Variants in GPC5 observed in about 807,000 individuals in gnomAD.
GPC5 encodes the protein glypican-5.
In GPC5, 47 loss-of-function variants were observed where a neutral mutation model predicts 53.9. The observed-to-expected ratio is 0.87, with a 90% CI of 0.69 to 1.11. The LOEUF (loss-of-function observed/expected upper bound fraction) is 1.11. Ranked by LOEUF, GPC5 falls within the 50% of genes most tolerant of loss-of-function variation. The probability of loss-of-function intolerance (pLI) is 0.00; values close to 1 mark genes in which losing one functional copy is unlikely to be tolerated. For synonymous variants in GPC5, 286 were observed against 263.3 expected (o/e 1.09, Z -0.84); for missense variants, 748 against 713.1 (o/e 1.05, Z -0.56).
At chr13:92,238,262 C>T (rs895300424) in intron 7 of GPC5, among the ~76,000 whole-genome samples, 2 of 151,866 alleles carry the variant, frequency 1.3e-5, no homozygotes, top group Non-Finnish European at 2.9e-5. Flanking sequence ...AAGCAGTGTA[C>T]TCTGTACACT....
intron 7 of GPC5, among the ~76,000 whole-genome samples, chr13:92,276,167 C>A (rs1209064220): frequency 3.9e-5 from 6 of 152,098 alleles, no homozygotes; most frequent in African/African-American, 1.4e-4. Context: ...TGGGCTGATA[C>A]AACATAAAGC....
At chr13:92,283,533 A>G (rs2042931863) in intron 7 of GPC5, among the ~76,000 whole-genome samples, 1 of 152,350 alleles carries the variant, frequency 6.6e-6, no homozygotes, top group Admixed American at 6.5e-5. Context: ...AGAAATTATA[A>G]CAAACTGTCT....
chr13:91,868,786 A>G (rs541025050), intron 5 of GPC5, among the ~76,000 whole-genome samples: 1 of 152,206 alleles, frequency 6.6e-6, no homozygotes, highest in African/African-American at 2.4e-5. Flanking sequence ...TGGGGTATTT[A>G]TGTATTTATG....
chr13:92,006,271 T>G (rs994809330), intron 6 of GPC5, among the ~76,000 whole-genome samples: 4 of 152,254 alleles, frequency 2.6e-5, no homozygotes, highest in Non-Finnish European at 5.9e-5. Context: ...ATAATTTAAG[T>G]GGATAAATGA....
At chr13:91,689,584 T>A (rs1038142575) in intron 2 of GPC5, among the ~76,000 whole-genome samples, 5 of 151,352 alleles carry the variant, frequency 3.3e-5, no homozygotes, top group Non-Finnish European at 7.4e-5. Flanking sequence ...CTTTATATCC[T>A]CACTCTATAA....
At chr13:91,975,029 C>G (rs1234366764) in intron 6 of GPC5, among the ~76,000 whole-genome samples, 5 of 152,168 alleles carry the variant, frequency 3.3e-5, no homozygotes, top group Non-Finnish European at 7.3e-5. Context: ...AAAGGATTCC[C>G]TATTTAATAA....
At chr13:92,549,913 A>T (rs1882252327) in intron 7 of GPC5, among the ~76,000 whole-genome samples, 1 of 146,028 alleles carries the variant, frequency 6.8e-6, no homozygotes, top group South Asian at 2.2e-4. Flanking sequence ...ACACACACAC[A>T]CACACACAAT....
chr13:91,576,816 G>T (rs7140049), intron 2 of GPC5, among the ~76,000 whole-genome samples: 19,649 of 151,960 alleles, frequency 0.13, 1,615 homozygotes, highest in African/African-American at 0.22. Context: ...GCCAAACTCA[G>T]CTGAAGCCAC....
intron 6 of GPC5, among the ~76,000 whole-genome samples, chr13:92,058,485 C>A (rs1473269517): frequency 6.6e-6 from 1 of 152,160 alleles, no homozygotes; most frequent in Admixed American, 6.6e-5. Flanking sequence ...ATTTTTTAAC[C>A]AACATTTACA....
At chr13:92,620,805 G>T (rs1290454394) in intron 7 of GPC5, among the ~76,000 whole-genome samples, 1 of 152,114 alleles carries the variant, frequency 6.6e-6, no homozygotes, top group African/African-American at 2.4e-5. Flanking sequence ...TCATTATAGA[G>T]GAAATTACAA....
At chr13:91,553,754 C>G (rs757347209) in intron 2 of GPC5, among the ~76,000 whole-genome samples, 1 of 151,992 alleles carries the variant, frequency 6.6e-6, no homozygotes, top group Non-Finnish European at 1.5e-5. Flanking sequence ...ATTACTTACT[C>G]TCATTAAAAG....
At chr13:92,699,381 C>T (rs545453810) in intron 7 of GPC5, among the ~76,000 whole-genome samples, 2 of 151,856 alleles carry the variant, frequency 1.3e-5, no homozygotes, top group South Asian at 4.2e-4. Context: ...AAATCCTGTT[C>T]CTGGATTCAT....
At chr13:91,798,878 G>C (rs967001564) in intron 5 of GPC5, among the ~76,000 whole-genome samples, 6 of 152,268 alleles carry the variant, frequency 3.9e-5, no homozygotes, top group African/African-American at 1.4e-4. Context: ...GCTAGCATCT[G>C]TTGTTTCTGG....
At chr13:92,598,281 A>C (rs976422334) in intron 7 of GPC5, among the ~76,000 whole-genome samples, 82 of 152,364 alleles carry the variant, frequency 5.4e-4, no homozygotes, top group African/African-American at 1.9e-3. Flanking sequence ...AATGCATATG[A>C]ATGCAAATTG....
intron 7 of GPC5, among the ~76,000 whole-genome samples, chr13:92,621,746 G>C (rs1037834260): frequency 6.6e-5 from 10 of 152,064 alleles, no homozygotes; most frequent in African/African-American, 2.4e-4. Flanking sequence ...TTGAACCCAG[G>C]ATGCCGAGGT....
intron 7 of GPC5, among the ~76,000 whole-genome samples, chr13:92,385,805 A>ATATATACATATATACG (rs1874686921): frequency 4.4e-5 from 1 of 22,948 alleles, no homozygotes; most frequent in African/African-American, 2.8e-4. Flanking sequence ...ATATATACGT[A>ATATATACATATATACG]TATATATACA....
At chr13:92,495,705 G>T (rs1436135559) in intron 7 of GPC5, among the ~76,000 whole-genome samples, 2 of 151,258 alleles carry the variant, frequency 1.3e-5, no homozygotes. Context: ...TAGACAGGCG[G>T]TTTTTTGTTT....
intron 7 of GPC5, among the ~76,000 whole-genome samples, chr13:92,401,866 A>G (rs1875573351): frequency 6.6e-6 from 1 of 152,142 alleles, no homozygotes; most frequent in Non-Finnish European, 1.5e-5. Context: ...GCTCGGTTGC[A>G]TACTCTCCTC....
intron 2 of GPC5, among the ~76,000 whole-genome samples, chr13:91,563,665 C>T (rs1487794938): frequency 1.3e-5 from 2 of 152,154 alleles, no homozygotes; most frequent in South Asian, 2.1e-4. Context: ...TACACATGCT[C>T]TTTGATATCT....
Sources: gnomAD v4.1 joint callset for allele counts (sites outside exome capture counted in the v4.1 genomes callset) on GRCh38, gnomAD v4.1.1 for gene constraint, MANE v1.5 for transcripts, NCBI Gene and HGNC (gene_info 2026-07-23, HGNC 2026-07-21) for gene names.